Variants in AATK observed in about 807,000 individuals in gnomAD.
AATK encodes the protein serine/threonine-protein kinase LMTK1.
In AATK, 91 loss-of-function variants were observed where a neutral mutation model predicts 114.3. The observed-to-expected ratio is 0.80, with a 90% CI of 0.67 to 0.95. The LOEUF (loss-of-function observed/expected upper bound fraction) is 0.95. Ranked by LOEUF, AATK falls within the 40% of genes least tolerant of loss-of-function variation. AATK has a pLI of 0.00. For synonymous variants in AATK, 1,075 were observed against 916.5 expected (o/e 1.17, Z -3.12); for missense variants, 2,176 against 1,965.2 (o/e 1.11, Z -2.03).
chr17:81,122,553 G>A lies in AATK; in HGVS notation c.1383C>T (p.Asp461=), dbSNP rs1036523396. ...EQFAGDGFHA[D]GDDVLTVTET... is the part of the protein sequence containing the mutation. ...CGGTCACCGTCAGCACGTCGTCGCC[G>A]TCCGCGTGGAAGCCGTCGCCCGCGA... Residue 461 remains aspartate, a synonymous_variant, in exon 11 of 14, where the codon GAC becomes GAT. Coordinates refer to ENST00000326724, the MANE Select transcript of AATK (RefSeq NM_001080395.3). 3.4e-6 allele frequency: 5 copies of A among 1,474,966 alleles called. No homozygotes were observed. The highest frequency in any genetic ancestry group is 2.9e-5 in the African/African-American group (2 of 68,180). 91.4% of individuals were successfully genotyped at this position (1,474,966 alleles called of 1,614,324 possible).
chr17:81,141,691 G>A (rs896218301), intron 1 of AATK, among the ~76,000 whole-genome samples: 16 of 152,238 alleles, frequency 1.1e-4, no homozygotes, highest in African/African-American at 3.4e-4. Flanking sequence ...CCAGAGGGCC[G>A]CCATCAGTCC....
Position 81,120,456 on chromosome 17 carries a change from C to T in AATK, c.3480G>A (p.Glu1160=), listed in dbSNP as rs1353386656. 6.5e-7 allele frequency: 1 copy of T among 1,547,194 alleles called. No homozygotes were observed. The highest frequency in any genetic ancestry group is 1.9e-5 in the Admixed American group (1 of 53,286). ...CGCTGTCCTCACTGTCCTCCTCCTC[C>T]TCCTCCGGCCGGCCCTCCAAGGCCG... is the stretch of plus-strand genomic sequence containing the variant. The part of the protein sequence containing the change: ...LPAALEGRPE[E]EEEDSEDSDE... Residue 1160 remains glutamate (E), a synonymous_variant, in exon 11 of 14, where the codon GAG becomes GAA. Transcript: ENST00000326724.
At chr17:81,141,527 C>T (rs770140749) in intron 1 of AATK, among the ~76,000 whole-genome samples, 1 of 152,200 alleles carries the variant, frequency 6.6e-6, no homozygotes, top group Non-Finnish European at 1.5e-5. Flanking sequence ...AATCTGTAAT[C>T]AGTGGCCACA....
At chr17:81,125,047 A>AGGGGCAGGG in intron 7 of AATK, 33 bp from the exon 8 acceptor site, 1 of 51,792 alleles carries the variant, frequency 1.9e-5, no homozygotes, top group Non-Finnish European at 2.6e-5. Flanking sequence ...GGGCAGGGTG[A>AGGGGCAGGG]GCAGGGTGAG....
intron 1 of AATK, among the ~76,000 whole-genome samples, chr17:81,136,889 G>A (rs995246742): frequency 6.6e-6 from 1 of 152,180 alleles, no homozygotes; most frequent in African/African-American, 2.4e-5. Flanking sequence ...GCCCAGAGCA[G>A]CAGAAACCAC....
chr17:81,160,513 C>T (rs547245056), intron 1 of AATK, among the ~76,000 whole-genome samples: 27 of 152,238 alleles, frequency 1.8e-4, no homozygotes, highest in Non-Finnish European at 2.8e-4. Flanking sequence ...CCGCCGGTCC[C>T]GCGGGCGCTT....
At chr17:81,130,162 C>T (rs2060907675) in intron 3 of AATK, among the ~76,000 whole-genome samples, 1 of 152,234 alleles carries the variant, frequency 6.6e-6, no homozygotes, top group Admixed American at 6.5e-5. Context: ...GCCCTGGTGC[C>T]AACAGAGCCC....
intron 1 of AATK, among the ~76,000 whole-genome samples, chr17:81,149,627 G>T (rs996178625): frequency 6.6e-6 from 1 of 152,022 alleles, no homozygotes; most frequent in South Asian, 2.1e-4. Flanking sequence ...ACTGCCCGCG[G>T]CACCCCCAGC....
Position 81,124,921 on chromosome 17 carries a change from C to A in AATK, c.840+9G>T, listed in dbSNP as rs777948543. ...TCATGCCCAGCCCAGCCCACCCCAC[C>A]CCACTCACTCTGTACTTGCAGTGAG... On this transcript the variant is annotated intron_variant, in intron 8 of 13. Transcript: ENST00000326724. 2 of 1,563,508 alleles carry A rather than the reference C, an allele frequency of 1.3e-6. No homozygotes were observed. The highest frequency in any genetic ancestry group is 1.9e-5 in the Admixed American group (1 of 53,576).
At chr17:81,128,189 C>T (rs557609053) in intron 4 of AATK, among the ~76,000 whole-genome samples, 14 of 152,254 alleles carry the variant, frequency 9.2e-5, no homozygotes, top group African/African-American at 3.4e-4. Flanking sequence ...AAGAGGGACC[C>T]AGGTGTCTCG....
At chr17:81,152,307 C>T (rs536952408) in intron 1 of AATK, among the ~76,000 whole-genome samples, 57 of 152,098 alleles carry the variant, frequency 3.7e-4, no homozygotes, top group African/African-American at 1.4e-3. Flanking sequence ...ATCCTTTGGC[C>T]GGGAGTGGTG....
intron 2 of AATK, among the ~76,000 whole-genome samples, chr17:81,134,128 C>T (rs1191646121): frequency 6.6e-6 from 1 of 152,184 alleles, no homozygotes; most frequent in East Asian, 1.9e-4. Context: ...GGAGTGGGAG[C>T]GTCAGACCAC....
chr17:81,125,243 G>C lies in AATK; in HGVS notation c.756-229C>G, dbSNP rs776091905. ...GTGCCCAACCCTGAGACCTGGGGAG[G>C]GACTGTGTGCGTGGGCCTCAAATGT... On this transcript the variant is annotated intron_variant, in intron 7 of 13. Coordinates refer to ENST00000326724, the MANE Select transcript of AATK (RefSeq NM_001080395.3). The C allele has an allele frequency of 5.6e-6, 4 of 713,564 alleles. No individual in the cohort carries two copies. The South Asian group carries it at 6.1e-5, about 11-fold the overall frequency. 44.2% of individuals were successfully genotyped at this position (713,564 alleles called of 1,614,324 possible).
intron 1 of AATK, among the ~76,000 whole-genome samples, chr17:81,156,038 G>A (rs550038683): frequency 2.0e-5 from 3 of 152,200 alleles, no homozygotes; most frequent in South Asian, 2.1e-4. Flanking sequence ...GAGGGTTTCC[G>A]CAACAATGTA....
At chr17:81,149,718 C>T (rs965424730) in intron 1 of AATK, among the ~76,000 whole-genome samples, 8 of 152,314 alleles carry the variant, frequency 5.3e-5, no homozygotes, top group African/African-American at 9.6e-5. Context: ...GAGCTCTGCC[C>T]CCTGCTCACG....
intron 9 of AATK, among the ~76,000 whole-genome samples, chr17:81,123,592 C>T (rs2060732545): frequency 6.6e-6 from 1 of 152,224 alleles, no homozygotes; most frequent in African/African-American, 2.4e-5. Context: ...CCGAATCCAT[C>T]TGCTTGTCCA....
At chr17:81,146,681 T>C (rs987892802) in intron 1 of AATK, among the ~76,000 whole-genome samples, 2 of 152,116 alleles carry the variant, frequency 1.3e-5, no homozygotes, top group African/African-American at 4.8e-5. Flanking sequence ...ATCGCACCAC[T>C]GCACTCCAGC....
Position 81,119,487 on chromosome 17 carries a change from G to A in AATK, c.3977C>T (p.Ala1326Val), listed in dbSNP as rs1391494089. 2 of 1,516,992 alleles carry A rather than the reference G, an allele frequency of 1.3e-6. No individual in the cohort carries two copies. The highest frequency in any genetic ancestry group is 1.5e-5 in the African/African-American group (1 of 68,816). 94.0% of individuals were successfully genotyped at this position (1,516,992 alleles called of 1,614,324 possible). A position where few individuals can be genotyped will look rare whatever the true frequency, so the allele number is the denominator to read the frequency against. The change falls in exon 13 of 14, where the codon GCG becomes GTG. Residue 1326 changes from alanine to valine, a missense_variant. By Grantham distance (64) the Ala-to-Val change is moderately conservative. Transcript: ENST00000326724. Reference sequence around the variant, plus strand: ...GAAGGGAGCGGGCGTGGGCGTGGGCGCAGCCGGGGCGGGTGCGGCCGGGTC... The same window carrying A: ...GAAGGGAGCGGGCGTGGGCGTGGGCACAGCCGGGGCGGGTGCGGCCGGGTC... The part of the protein sequence containing the change: ...ALDPAAPAPA[A>V]PTPTPAPFSR...
At chr17:81,158,226 G>A (rs1226650209) in intron 1 of AATK, among the ~76,000 whole-genome samples, 1 of 152,262 alleles carries the variant, frequency 6.6e-6, no homozygotes, top group East Asian at 1.9e-4. Context: ...CCCCGCGGCA[G>A]AGAGCAGGGC....
Sources: allele counts gnomAD v4.1 joint callset (sites outside exome capture counted in the v4.1 genomes callset), GRCh38; gene constraint gnomAD v4.1.1; transcripts MANE v1.5; gene names NCBI Gene and HGNC (gene_info 2026-07-23, HGNC 2026-07-21).